Variants in PBX1 observed in about 807,000 individuals in gnomAD.
PBX1 encodes PBX homeobox 1.
PBX1 carries 6 observed loss-of-function variants against 53.4 expected under a neutral mutation model. The observed-to-expected ratio is 0.11, with a 90% CI of 0.06 to 0.22. The LOEUF is 0.22. Ranked by LOEUF, PBX1 falls within the 10% of genes least tolerant of loss-of-function variation. The pLI is 1.00. For missense variants in PBX1, 251 were observed against 551.4 expected (o/e 0.46, Z 5.46); for synonymous variants, 204 against 212.3 (o/e 0.96, Z 0.34).
intron 2 of PBX1, among the ~76,000 whole-genome samples, chr1:164,580,145 C>A (rs1191430000): frequency 6.6e-6 from 1 of 152,190 alleles, no homozygotes; most frequent in African/African-American, 2.4e-5. Flanking sequence ...TCCTGTTTCT[C>A]AGGTACAGAA....
intron 2 of PBX1, among the ~76,000 whole-genome samples, chr1:164,743,452 C>T (rs935705596): frequency 2.0e-5 from 3 of 152,108 alleles, no homozygotes; most frequent in Non-Finnish European, 4.4e-5. Context: ...CTGTTGGAAG[C>T]GATGTGTTTC....
intron 8 of PBX1, among the ~76,000 whole-genome samples, chr1:164,834,029 ATGTGTG>A (rs35739146): frequency 0.022 from 2,817 of 128,272 alleles, 112 homozygotes; most frequent in African/African-American, 0.075. Flanking sequence ...ATATATGTAT[ATGTGTG>A]TGTGTGTGTG....
chr1:164,606,261 G>A (rs1280271567), intron 2 of PBX1, among the ~76,000 whole-genome samples: 2 of 152,202 alleles, frequency 1.3e-5, no homozygotes, highest in Non-Finnish European at 1.5e-5. Context: ...AGGCCAAGGC[G>A]GGTAGATTGC....
Sources: gnomAD v4.1 joint callset for allele counts (sites outside exome capture counted in the v4.1 genomes callset) on GRCh38, gnomAD v4.1.1 for gene constraint, MANE v1.5 for transcripts, NCBI Gene and HGNC (gene_info 2026-07-23, HGNC 2026-07-21) for gene names.